DVL3: variants seen among roughly 807,000 people sequenced by gnomAD.
The protein encoded by DVL3 is segment polarity protein dishevelled homolog DVL-3.
Under a neutral mutation model 67.4 loss-of-function variants are expected in DVL3, and 27 were observed. The ratio of observed to expected loss-of-function variants is 0.40; its 90% CI spans 0.30 to 0.55. The LOEUF (loss-of-function observed/expected upper bound fraction) is 0.55. Among genes scored for constraint, DVL3 ranks in the 20% least tolerant of loss-of-function variants. The pLI, the probability that DVL3 is intolerant of heterozygous loss-of-function variation, is 0.46. For synonymous variants in DVL3, 369 were observed against 396.8 expected (o/e 0.93, Z 0.83); for missense variants, 819 against 1,021.5 (o/e 0.80, Z 2.70).
intron 1 of DVL3, among the ~76,000 whole-genome samples, chr3:184,157,358 C>T (rs1490079337): frequency 6.6e-6 from 1 of 152,158 alleles, no homozygotes; most frequent in African/African-American, 2.4e-5. Flanking sequence ...GTCCAGTGCC[C>T]TGGGGCCACC....
At chr3:184,161,641 C>T (rs1714385474) in intron 1 of DVL3, among the ~76,000 whole-genome samples, 1 of 152,142 alleles carries the variant, frequency 6.6e-6, no homozygotes, top group African/African-American at 2.4e-5. Context: ...GACTTCTTGC[C>T]TCACCACATT....
rs1202982670 is a variant in DVL3, at chr3:184,170,107, A to G, written c.1600A>G (p.Met534Val). 1.2e-6 allele frequency: 2 copies of G among 1,613,766 alleles called. No individual in the cohort carries two copies. Among genetic ancestry groups the G allele is most frequent in the African/African-American group, 1.3e-5 (1 of 74,876 alleles). The change falls in exon 14 of 15, where the codon ATG (methionine) becomes GTG (valine). Residue 534 changes from methionine to valine, a missense_variant. Physicochemically the swap from Met to Val is conservative, Grantham distance 21. Transcript: ENST00000313143. This position sits in a 1 kb window ranked among gnomAD's most constrained non-coding sequence, Gnocchi z 6.5. Reference protein sequence around the residue: ...LPHPGAAPWPMAFPYQYPPPP... With the variant: ...LPHPGAAPWPVAFPYQYPPPP... ...GCACCCGGGGGCCGCCCCTTGGCCC[A>G]TGGCTTTCCCGTACCAGTACCCGCC...
Position 184,164,506 on chromosome 3 carries a change from G to C in DVL3, c.368G>C (p.Gly123Ala), listed in dbSNP as rs1365316565. The C allele has an allele frequency of 6.3e-7, 1 of 1,593,402 alleles. No homozygotes were observed. Among genetic ancestry groups the C allele is most frequent in the African/African-American group, 1.3e-5 (1 of 74,250 alleles). ...RPPSFHPHAG[G>A]GSQENLDNDT... is the part of the protein sequence containing the mutation. ...CTTCCCTGCAGCCCTCATGCTGGTG[G>C]GGGCAGCCAGGAGAACCTGGACAAT... The change falls in exon 4 of 15, where the codon GGG becomes GCG. Residue 123 changes from glycine (G) to alanine (A), a missense_variant. Gly to Ala is a moderately conservative substitution (Grantham distance 60). Transcript: ENST00000313143. This position sits in a 1 kb window ranked among gnomAD's most constrained non-coding sequence, Gnocchi z 5.3.
rs370079001 is a variant in DVL3 at position 184,163,753 on chromosome 3, C to T, written c.231+27C>T. The T allele has an allele frequency of 1.5e-5, 24 of 1,601,076 alleles. No individual in the cohort carries two copies. The highest frequency in any genetic ancestry group is 2.1e-5 in the Non-Finnish European group (24 of 1,168,322). ...TAAGGAGCCCTCAGCCTTCCATCCA[C>T]CTGCATCCCTGTGCTGGGCTGGACG... is the stretch of plus-strand genomic sequence containing the variant. On this transcript the variant is annotated intron_variant, in intron 2 of 14. Transcript: ENST00000313143. The surrounding 1 kb of genome is among the most constrained non-coding windows in gnomAD (Gnocchi z 4.5).
intron 1 of DVL3, among the ~76,000 whole-genome samples, chr3:184,158,196 C>T (rs939393466): frequency 3.3e-5 from 5 of 152,058 alleles, no homozygotes; most frequent in African/African-American, 1.2e-4. Context: ...ATTAGCCAGG[C>T]ATGATGCTTT....
chr3:184,168,876 A>G (rs576218303), intron 13 of DVL3, among the ~76,000 whole-genome samples: 24 of 152,290 alleles, frequency 1.6e-4, no homozygotes, highest in Admixed American at 3.3e-4. Flanking sequence ...TAAGGAATGT[A>G]TAATTTCCCC....
At chr3:184,156,779 G>A (rs1028845403) in intron 1 of DVL3, 85 of 283,156 alleles carry the variant, frequency 3.0e-4, no homozygotes, top group Non-Finnish European at 5.0e-4. Flanking sequence ...GCCCACACTT[G>A]CCTGCCGCCT....
At chr3:184,158,089 AT>A (rs1714258482) in intron 1 of DVL3, among the ~76,000 whole-genome samples, 1 of 152,150 alleles carries the variant, frequency 6.6e-6, no homozygotes. Flanking sequence ...AATCTCAGCA[AT>A]TTGGGAGGCT....
chr3:184,167,987 G>A lies in DVL3; in HGVS notation c.1420G>A (p.Ala474Thr). 3 of 1,614,292 alleles carry A rather than the reference G, an allele frequency of 1.9e-6. No individual in the cohort carries two copies. The highest frequency in any genetic ancestry group is 2.5e-6 in the Non-Finnish European group (3 of 1,180,050). ...CAAGTATGCCAGCAACCTGCTGAAA[G>A]CTGGCTTCATCCGCCATACCGTCAA... is the stretch of plus-strand genomic sequence containing the variant. ...ARKYASNLLKAGFIRHTVNKI... is the reference protein window; with the variant it reads ...ARKYASNLLKTGFIRHTVNKI... The change falls in exon 13 of 15, where the codon GCT becomes ACT. Residue 474 changes from alanine to threonine, a missense_variant. Transcript: ENST00000313143. This position sits in a 1 kb window ranked among gnomAD's most constrained non-coding sequence, Gnocchi z 4.6.
intron 1 of DVL3, among the ~76,000 whole-genome samples, chr3:184,160,785 C>A (rs1714353749): frequency 6.6e-6 from 1 of 152,124 alleles, no homozygotes; most frequent in African/African-American, 2.4e-5. Context: ...ACAGGCAGAC[C>A]CTATCCAAAG....
At position 184,167,035 on chromosome 3, in the gene DVL3, A is replaced by G; in HGVS notation, c.1198+60A>G. 2 of 1,586,038 alleles carry G rather than the reference A, an allele frequency of 1.3e-6. No homozygotes were observed. The highest frequency in any genetic ancestry group is 1.7e-6 in the Non-Finnish European group (2 of 1,161,262). On this transcript the variant is annotated intron_variant, in intron 11 of 14. Coordinates refer to ENST00000313143, the MANE Select transcript of DVL3 (RefSeq NM_004423.4). The surrounding 1 kb of genome is among the most constrained non-coding windows in gnomAD (Gnocchi z 4.6). ...ACAGGGCCAGGTGGGGGGACTGATG[A>G]GGGTCCATGTGGAGACTCTTGCTTG...
At chr3:184,168,091 C>T in intron 13 of DVL3, 26 bp downstream of exon 13, 2 of 1,601,670 alleles carry the variant, frequency 1.2e-6, no homozygotes, top group South Asian at 1.1e-5. Flanking sequence ...ATCTTCTTGC[C>T]CTGTCTCCTG....
At chr3:184,159,946 T>C (rs1288372612) in intron 1 of DVL3, among the ~76,000 whole-genome samples, 2 of 151,878 alleles carry the variant, frequency 1.3e-5, no homozygotes, top group East Asian at 1.9e-4. Context: ...TTTATTTTAT[T>C]GTATGTTTTT....
chr3:184,173,557 C>T lies in DVL3; in HGVS notation c.*2802C>T, dbSNP rs916130677. ...GATATTGTACGAAAAGTGCCTAGCA[C>T]AGTGCCTGGCACACAGTAGAGTAGG... On this transcript the variant is annotated 3_prime_UTR_variant, in exon 15 of 15. Coordinates refer to ENST00000313143, the MANE Select transcript of DVL3 (RefSeq NM_004423.4). The T allele has an allele frequency of 3.3e-5, 5 of 152,212 alleles. No individual in the cohort carries two copies. Among genetic ancestry groups the T allele is most frequent in the African/African-American group, 1.2e-4 (5 of 41,448 alleles). The allele number at this position is 152,212 out of a possible 1,614,324, so 9.4% of individuals were successfully genotyped here.
chr3:184,156,561 C>G, intron 1 of DVL3: 1 of 436,546 alleles, frequency 2.3e-6, no homozygotes. Context: ...TCTTGGTGTT[C>G]TCTATCTTCC....
chr3:184,167,928 A>G lies in DVL3; in HGVS notation c.1361A>G (p.Asn454Ser), dbSNP rs1438620760. ...GATGTGGTGGACTGGCTGTACCACA[A>G]TGTGGAAGGCTTCACGGACCGGAGG... is the stretch of plus-strand genomic sequence containing the variant. Reference protein sequence around the residue: ...GSDVVDWLYHNVEGFTDRREA... With the variant: ...GSDVVDWLYHSVEGFTDRREA... The change falls in exon 13 of 15, where the codon AAT (asparagine) becomes AGT (serine). Residue 454 changes from asparagine to serine, a missense_variant. Physicochemically the swap from Asn to Ser is conservative, Grantham distance 46 (BLOSUM62 1). This residue lies in a region of DVL3 where 110 missense variants were observed against 203.4 expected (regional missense o/e 0.54). Coordinates refer to ENST00000313143, the MANE Select transcript of DVL3 (RefSeq NM_004423.4). The surrounding 1 kb of genome is among the most constrained non-coding windows in gnomAD (Gnocchi z 4.6). 2 of 1,614,258 alleles carry G rather than the reference A, an allele frequency of 1.2e-6. No individual in the cohort carries two copies. The highest frequency in any genetic ancestry group is 1.1e-5 in the South Asian group (1 of 91,090).
chr3:184,170,594 C>G lies in DVL3; in HGVS notation c.1990C>G (p.Pro664Ala), dbSNP rs765852473. The G allele has an allele frequency of 1.9e-6, 3 of 1,609,474 alleles. No individual in the cohort carries two copies. The highest frequency in any genetic ancestry group is 2.5e-6 in the Non-Finnish European group (3 of 1,177,672). Residue 664 changes from proline to alanine, a missense_variant, in exon 15 of 15, where the codon CCC becomes GCC. Pro to Ala is a conservative substitution (Grantham distance 27). Coordinates refer to ENST00000313143, the MANE Select transcript of DVL3 (RefSeq NM_004423.4). This position sits in a 1 kb window ranked among gnomAD's most constrained non-coding sequence, Gnocchi z 6.5. Reference protein sequence around the residue: ...GPPGVPPLYGPPMLMMPPPPA... With the variant: ...GPPGVPPLYGAPMLMMPPPPA... Reference sequence around the variant, plus strand: ...TCCCGGAGTGCCCCCTCTCTACGGCCCCCCCATGCTGATGATGCCCCCGCC... The same window carrying G: ...TCCCGGAGTGCCCCCTCTCTACGGCGCCCCCATGCTGATGATGCCCCCGCC...
At position 184,155,880 on chromosome 3, in the gene DVL3, G is replaced by A. The variant is rs907541795; in HGVS notation, c.161+84G>A. ...GACGCGGTCCGTTTCGACTTGCCTC[G>A]CTACACCGGCTCCTAGCCCCGCTCT... On this transcript the variant is annotated intron_variant, in intron 1 of 14. Coordinates refer to ENST00000313143, the MANE Select transcript of DVL3 (RefSeq NM_004423.4). The surrounding 1 kb of genome is among the most constrained non-coding windows in gnomAD (Gnocchi z 5.4). 6.8e-7 allele frequency: 1 copy of A among 1,468,692 alleles called. No homozygotes were observed. The highest frequency in any genetic ancestry group is 9.2e-7 in the Non-Finnish European group (1 of 1,091,062). The allele number at this position is 1,468,692 out of a possible 1,614,324, so 91.0% of individuals were successfully genotyped here.
In DVL3 at chr3:184,165,455, A is replaced by G. The variant is rs779783060; in HGVS notation, c.727A>G (p.Met243Val). 6.2e-7 allele frequency: 1 copy of G among 1,614,082 alleles called. No individual in the cohort carries two copies. Among genetic ancestry groups the G allele is most frequent in the Admixed American group, 1.7e-5 (1 of 60,012 alleles). ...CTTCAGCAGCATCACGGACTCCACCATGTCACTCAACATCATCACGGTCAC... is the reference window on the plus strand; with the variant it reads ...CTTCAGCAGCATCACGGACTCCACCGTGTCACTCAACATCATCACGGTCAC... ...SSFSSITDST[M>V]SLNIITVTLN... is the part of the protein sequence containing the mutation. Residue 243 changes from methionine (M) to valine (V), a missense_variant, in exon 7 of 15, where the codon ATG becomes GTG. Coordinates refer to ENST00000313143, the MANE Select transcript of DVL3 (RefSeq NM_004423.4). The surrounding 1 kb of genome is among the most constrained non-coding windows in gnomAD (Gnocchi z 4.1).
Sources: allele counts gnomAD v4.1 joint callset (sites outside exome capture counted in the v4.1 genomes callset), GRCh38; gene constraint gnomAD v4.1.1; regional missense constraint gnomAD v4.1.1; non-coding constraint Gnocchi (gnomAD v3.1); transcripts MANE v1.5; gene names NCBI Gene and HGNC (gene_info 2026-07-23, HGNC 2026-07-21).